DOCK4: variants seen among roughly 807,000 people sequenced by gnomAD.
The protein encoded by DOCK4 is dedicator of cytokinesis 4.
In DOCK4, 97 loss-of-function variants were observed where a neutral mutation model predicts 268.1. The observed-to-expected ratio is 0.36, with a 90% CI of 0.31 to 0.43. DOCK4 has a LOEUF of 0.43. DOCK4 is among the 20% of genes least tolerant of loss of function. DOCK4 has a pLI of 1.00. For synonymous variants in DOCK4, 954 were observed against 887.2 expected (o/e 1.08, Z -1.34); for missense variants, 2,145 against 2,455.7 (o/e 0.87, Z 2.67).
At chr7:111,731,646 G>C (rs1196310653) in intron 52 of DOCK4, among the ~76,000 whole-genome samples, 1 of 152,108 alleles carries the variant, frequency 6.6e-6, no homozygotes, top group Non-Finnish European at 1.5e-5. Context: ...GACCTTTACA[G>C]CTTTCCAGTT....
At chr7:111,889,346 G>A (rs1280398893) in intron 16 of DOCK4, among the ~76,000 whole-genome samples, 1 of 152,118 alleles carries the variant, frequency 6.6e-6, no homozygotes, top group Non-Finnish European at 1.5e-5. Context: ...TGGTTATAGG[G>A]TAAGTCTTTT....
Position 111,795,758 on chromosome 7 carries a change from C to T in DOCK4, c.3167-5153G>A, listed in dbSNP as rs10231262. On this transcript the variant is annotated intron_variant, in intron 30 of 52. Coordinates refer to ENST00000428084, the MANE Select transcript of DOCK4 (RefSeq NM_001363540.2). ...TGAACAGGGTCCTGCCTACCCTCTG[C>T]AGACCAATATGGTGATAAGGAAGAG... Among the ~76,000 whole-genome samples, 1,505 of 152,302 alleles carry T rather than the reference C, an allele frequency of 9.9e-3. 17 individuals are homozygous for T. The highest frequency in any genetic ancestry group is 0.034 in the African/African-American group (1,423 of 41,546).
At chr7:112,138,317 G>A (rs1262477999) in intron 1 of DOCK4, among the ~76,000 whole-genome samples, 1 of 152,162 alleles carries the variant, frequency 6.6e-6, no homozygotes, top group East Asian at 1.9e-4. Flanking sequence ...CCTGGCTACT[G>A]AAGTATTTTG....
At chr7:111,875,591 G>GCA (rs1806788523) in intron 17 of DOCK4, among the ~76,000 whole-genome samples, 1 of 152,228 alleles carries the variant, frequency 6.6e-6, no homozygotes, top group African/African-American at 2.4e-5. Context: ...CCAGCTCAAT[G>GCA]TAATCACAAG....
intron 30 of DOCK4, among the ~76,000 whole-genome samples, chr7:111,806,304 G>C (rs529482390): frequency 2.0e-5 from 3 of 152,282 alleles, no homozygotes; most frequent in South Asian, 2.1e-4. Flanking sequence ...ATGTCACTCT[G>C]AATACTTAAT....
At chr7:111,846,968 G>A in intron 24 of DOCK4, 31 bp downstream of exon 24, 1 of 1,607,794 alleles carries the variant, frequency 6.2e-7, no homozygotes, top group South Asian at 1.1e-5. Flanking sequence ...CATTTGAAGG[G>A]AGCTATATAC....
intron 28 of DOCK4, among the ~76,000 whole-genome samples, chr7:111,810,966 C>A (rs187267361): frequency 6.2e-4 from 95 of 152,306 alleles, no homozygotes; most frequent in African/African-American, 2.1e-3. Flanking sequence ...TGCGTCACTG[C>A]ATTCCAGCCT....
intron 32 of DOCK4, among the ~76,000 whole-genome samples, chr7:111,785,187 A>C (rs1197333391): frequency 2.0e-5 from 3 of 152,158 alleles, no homozygotes; most frequent in South Asian, 4.1e-4. Flanking sequence ...TGGAAACTGC[A>C]TATGGAAGGG....
intron 12 of DOCK4, among the ~76,000 whole-genome samples, chr7:111,920,634 C>T (rs1793024990): frequency 6.6e-6 from 1 of 152,108 alleles, no homozygotes; most frequent in African/African-American, 2.4e-5. Flanking sequence ...GTACATTTTA[C>T]CTTATTCCTG....
intron 1 of DOCK4, among the ~76,000 whole-genome samples, chr7:112,129,300 T>C (rs1229201643): frequency 6.6e-6 from 1 of 152,214 alleles, no homozygotes. Context: ...ATTCCATTTA[T>C]ATAACATTCT....
chr7:112,028,359 C>G (rs1328969466), intron 1 of DOCK4, among the ~76,000 whole-genome samples: 2 of 152,248 alleles, frequency 1.3e-5, no homozygotes, highest in Middle Eastern at 3.4e-3. Flanking sequence ...AATACATATT[C>G]TTATTCCTAA....
chr7:112,088,084 A>G (rs1809283432), intron 1 of DOCK4, among the ~76,000 whole-genome samples: 1 of 152,118 alleles, frequency 6.6e-6, no homozygotes, highest in African/African-American at 2.4e-5. Flanking sequence ...TCGTGGGACA[A>G]GGTCCCGTAT....
chr7:111,898,528 T>C (rs2134400760), intron 15 of DOCK4, among the ~76,000 whole-genome samples: 1 of 152,346 alleles, frequency 6.6e-6, no homozygotes, highest in East Asian at 1.9e-4. Context: ...GAATGAAAGC[T>C]CTGTGAGCGG....
At chr7:112,165,559 T>TGTGTGTGTGTGTGC (rs59052406) in intron 1 of DOCK4, among the ~76,000 whole-genome samples, 7 of 148,254 alleles carry the variant, frequency 4.7e-5, no homozygotes, top group East Asian at 2.0e-4. Flanking sequence ...TGTGTGTGTG[T>TGTGTGTGTGTGTGC]GCGTGTGTGT....
At chr7:111,872,204 G>C (rs1806486998) in intron 19 of DOCK4, 65 bp downstream of exon 19, 1 of 1,378,494 alleles carries the variant, frequency 7.3e-7, no homozygotes, top group African/African-American at 1.5e-5. Context: ...TTCTGAACCA[G>C]CCTCATGAAA....
At chr7:112,154,583 G>A (rs1816434430) in intron 1 of DOCK4, among the ~76,000 whole-genome samples, 1 of 152,064 alleles carries the variant, frequency 6.6e-6, no homozygotes, top group Non-Finnish European at 1.5e-5. Context: ...GATACATAGG[G>A]TACAGTCTAC....
chr7:111,738,468 T>A (rs1795663702), intron 49 of DOCK4, among the ~76,000 whole-genome samples: 1 of 152,216 alleles, frequency 6.6e-6, no homozygotes, highest in Non-Finnish European at 1.5e-5. Flanking sequence ...TTTCCTAGTT[T>A]AAGAGGTTCC....
rs1260830903 is a variant in DOCK4 at position 111,755,543 on chromosome 7, C to T, written c.4388G>A (p.Arg1463His). ...YLVQSLPGIS[R>H]WFEVEKREVV... ...TTCACGCTTTTCCACTTCAAACCAG[C>T]GAGAGATGCCAGGCAAACTCTGCAC... Residue 1463 changes from arginine to histidine, a missense_variant, in exon 42 of 53, where the codon CGC (arginine) becomes CAC (histidine). Coordinates refer to ENST00000428084, the MANE Select transcript of DOCK4 (RefSeq NM_001363540.2). 6.2e-7 allele frequency: 1 copy of T among 1,613,926 alleles called. No individual in the cohort carries two copies. Among genetic ancestry groups the T allele is most frequent in the Non-Finnish European group, 8.5e-7 (1 of 1,179,872 alleles).
intron 1 of DOCK4, among the ~76,000 whole-genome samples, chr7:112,169,517 T>C (rs1025667991): frequency 6.6e-6 from 1 of 152,190 alleles, no homozygotes; most frequent in African/African-American, 2.4e-5. Flanking sequence ...GGAAGCATTT[T>C]CTATGAGGGT....
Sources: gnomAD v4.1 joint callset for allele counts (sites outside exome capture counted in the v4.1 genomes callset) on GRCh38, gnomAD v4.1.1 for gene constraint, MANE v1.5 for transcripts, NCBI Gene and HGNC (gene_info 2026-07-23, HGNC 2026-07-21) for gene names.